The following STIM2 variants were observed in gnomAD, a reference collection of about 807,000 sequenced individuals.
STIM2 encodes stromal interaction molecule 2.
A neutral mutation model predicts 85.8 loss-of-function variants in STIM2; 31 were observed. The observed-to-expected ratio is 0.36, with a 90% CI of 0.27 to 0.49. STIM2 has a LOEUF of 0.49. Ranked by LOEUF, STIM2 falls within the 20% of genes least tolerant of loss-of-function variation. The pLI is 0.98. For synonymous variants in STIM2, 356 were observed against 331.1 expected (o/e 1.08, Z -0.82); for missense variants, 841 against 927.6 (o/e 0.91, Z 1.21).
At chr4:26,990,716 T>C (rs1200786384) in intron 3 of STIM2, among the ~76,000 whole-genome samples, 2 of 152,046 alleles carry the variant, frequency 1.3e-5, no homozygotes, top group East Asian at 1.9e-4. Flanking sequence ...AACCAGAATA[T>C]ATAAGGAACT....
At chr4:27,014,673 G>GTACT (rs1430092194) in intron 10 of STIM2, among the ~76,000 whole-genome samples, 1 of 151,728 alleles carries the variant, frequency 6.6e-6, no homozygotes, top group Non-Finnish European at 1.5e-5. Flanking sequence ...TAGTTACAGG[G>GTACT]TACTATACAG....
chr4:26,927,710 T>TA (rs1725015137), intron 2 of STIM2, among the ~76,000 whole-genome samples: 1 of 69,786 alleles, frequency 1.4e-5, no homozygotes, highest in Non-Finnish European at 2.9e-5. Flanking sequence ...AAAAAAAACT[T>TA]GAATAAAAAA....
chr4:26,881,245 C>T (rs899204679), intron 1 of STIM2, among the ~76,000 whole-genome samples: 3 of 152,062 alleles, frequency 2.0e-5, no homozygotes, highest in African/African-American at 7.2e-5. Context: ...GCAGGTGGAT[C>T]ATCTGAGGTC....
chr4:26,959,088 A>C (rs1035625977), intron 3 of STIM2, among the ~76,000 whole-genome samples: 1 of 152,072 alleles, frequency 6.6e-6, no homozygotes, highest in African/African-American at 2.4e-5. Context: ...TCTCTTCTTC[A>C]CCTAGCAGAG....
intron 3 of STIM2, among the ~76,000 whole-genome samples, chr4:26,973,401 C>T (rs1042197907): frequency 5.9e-5 from 9 of 152,304 alleles, no homozygotes; most frequent in African/African-American, 2.2e-4. Context: ...CCTCTACACA[C>T]TACTTTAAAT....
intron 1 of STIM2, among the ~76,000 whole-genome samples, chr4:26,871,477 A>G (rs1246573764): frequency 6.6e-6 from 1 of 152,148 alleles, no homozygotes; most frequent in Non-Finnish European, 1.5e-5. Flanking sequence ...AAATATTCTG[A>G]AATCTTGGAA....
In STIM2 at chr4:26,867,688, G is replaced by A. The variant is rs2109425420; in HGVS notation, c.151+6319G>A. Among the ~76,000 whole-genome samples, 8 of 152,304 alleles carry A rather than the reference G, an allele frequency of 5.3e-5. 1 individual carries two copies. In the South Asian group the frequency reaches 1.7e-3, roughly 32 times the overall value. ...ATTTCAAGCTTAATCTATAGATGAT[G>A]ATTTCTAATGCCAAATCTAAAAGGT... On this transcript the variant is annotated intron_variant, in intron 1 of 11. Coordinates refer to ENST00000467087, the MANE Select transcript of STIM2 (RefSeq NM_020860.4).
At chr4:26,914,962 A>G (rs1724479163) in intron 1 of STIM2, among the ~76,000 whole-genome samples, 1 of 152,206 alleles carries the variant, frequency 6.6e-6, no homozygotes, top group African/African-American at 2.4e-5. Context: ...TATCTGTGAT[A>G]GCGGTACTTA....
intron 11 of STIM2, among the ~76,000 whole-genome samples, chr4:27,019,019 G>C (rs149793865): frequency 6.6e-6 from 1 of 152,182 alleles, no homozygotes; most frequent in Non-Finnish European, 1.5e-5. Context: ...AATGACATCA[G>C]TGCTCCATGA....
chr4:26,996,154 G>T (rs1009359725), intron 4 of STIM2, among the ~76,000 whole-genome samples: 2 of 151,970 alleles, frequency 1.3e-5, no homozygotes, highest in Non-Finnish European at 2.9e-5. Context: ...TCCCTTAGGT[G>T]TCTGAATCCA....
rs1729047269 is a variant in STIM2 at position 27,025,217 on chromosome 4, C to T, written c.*2221C>T. 1 of 152,084 alleles carries T rather than the reference C, an allele frequency of 6.6e-6. No homozygotes were observed. Among genetic ancestry groups the T allele is most frequent in the African/African-American group, 2.4e-5 (1 of 41,420 alleles). The allele number at this position is 152,084 out of a possible 1,614,324, so 9.4% of individuals were successfully genotyped here. On this transcript the variant is annotated 3_prime_UTR_variant, in exon 12 of 12. Coordinates refer to ENST00000467087, the MANE Select transcript of STIM2 (RefSeq NM_020860.4). ...ACAGTATACACATTTGTAAATTCAA[C>T]AGGAAATTATTGAGTTTTGGAAAGC...
chr4:26,904,162 A>G (rs1398534735), intron 1 of STIM2, among the ~76,000 whole-genome samples: 1 of 140,274 alleles, frequency 7.1e-6, no homozygotes, highest in Non-Finnish European at 1.5e-5. Flanking sequence ...GTTCTCATTA[A>G]TAATTCTGTT....
chr4:27,015,598 A>G (rs1384323241), intron 10 of STIM2, among the ~76,000 whole-genome samples: 2 of 152,018 alleles, frequency 1.3e-5, no homozygotes, highest in Non-Finnish European at 1.5e-5. Context: ...CAGATTAACA[A>G]TTAGTTTTCA....
At chr4:26,920,132 A>G (rs1411535714) in intron 2 of STIM2, among the ~76,000 whole-genome samples, 1 of 151,988 alleles carries the variant, frequency 6.6e-6, no homozygotes, top group Non-Finnish European at 1.5e-5. Flanking sequence ...TTTCTATGTT[A>G]CCTCTCATCA....
In STIM2 at chr4:26,915,512, G is replaced by C. The variant is rs148122281; in HGVS notation, c.152-3992G>C. Among the ~76,000 whole-genome samples, 4 of 152,258 alleles carry C rather than the reference G, an allele frequency of 2.6e-5. No individual in the cohort carries two copies. The East Asian group carries it at 7.7e-4, about 29-fold the overall frequency. ...AGCTTCCCAAAGTGCTGGGATTACA[G>C]GCGTTGAGCCACTGTGCCCAGCCTG... On this transcript the variant is annotated intron_variant, in intron 1 of 11. Coordinates refer to ENST00000467087, the MANE Select transcript of STIM2 (RefSeq NM_020860.4).
intron 3 of STIM2, among the ~76,000 whole-genome samples, chr4:26,981,140 T>C (rs1393904294): frequency 6.6e-6 from 1 of 152,158 alleles, no homozygotes; most frequent in Non-Finnish European, 1.5e-5. Context: ...TACATAACAC[T>C]TACTAGATTT....
chr4:26,977,318 A>G (rs549079541), intron 3 of STIM2, among the ~76,000 whole-genome samples: 10 of 152,270 alleles, frequency 6.6e-5, no homozygotes, highest in African/African-American at 2.4e-4. Context: ...GACAGATCTC[A>G]TAGGACCTGG....
At chr4:27,013,915 A>G (rs1332323422) in intron 10 of STIM2, among the ~76,000 whole-genome samples, 2 of 152,008 alleles carry the variant, frequency 1.3e-5, no homozygotes, top group Non-Finnish European at 2.9e-5. Flanking sequence ...GTTTTAAACT[A>G]TAGTATTAAT....
Position 26,987,453 on chromosome 4 carries a change from C to A in STIM2, c.398-7926C>A, listed in dbSNP as rs542355041. ...GAGAACCCTCTGTTCCTGTGAAAAT[C>A]CACAAATGTATAGTCCCGCCCTTCC... On this transcript the variant is annotated intron_variant, in intron 3 of 11. Transcript: ENST00000467087. Among the ~76,000 whole-genome samples the A allele has an allele frequency of 3.9e-5, 6 of 152,232 alleles. No individual in the cohort carries two copies. The South Asian group carries it at 1.2e-3, about 32-fold the overall frequency.
Sources: allele counts gnomAD v4.1 joint callset (sites outside exome capture counted in the v4.1 genomes callset), GRCh38; gene constraint gnomAD v4.1.1; transcripts MANE v1.5; gene names NCBI Gene and HGNC (gene_info 2026-07-23, HGNC 2026-07-21).